The following PTPRG variants were observed in gnomAD, a reference collection of about 807,000 sequenced individuals.
PTPRG encodes the protein protein tyrosine phosphatase receptor type G, also known as receptor-type tyrosine-protein phosphatase gamma.
Under a neutral mutation model 165.3 loss-of-function variants are expected in PTPRG, and 102 were observed. That is an observed-to-expected ratio of 0.62 (90% CI 0.53 to 0.73). The LOEUF (loss-of-function observed/expected upper bound fraction) is 0.73, where lower values mean the gene tolerates loss of function less well. Ranked by LOEUF, PTPRG falls within the 30% of genes least tolerant of loss-of-function variation. The pLI is 0.00. For missense variants in PTPRG, 1,866 were observed against 1,861.4 expected, an observed-to-expected ratio of 1.00 and a Z score of -0.05; for synonymous variants, 675 against 669.5, an observed-to-expected ratio of 1.01 and a Z score of -0.13.
chr3:61,738,282 A>ATG (rs1559583160), intron 1 of PTPRG, among the ~76,000 whole-genome samples: 9 of 14,946 alleles, frequency 6.0e-4, no homozygotes, highest in South Asian at 2.2e-3. Flanking sequence ...ATATATACAT[A>ATG]TATATATATA....
chr3:62,038,940 A>G (rs1181049464), intron 4 of PTPRG, among the ~76,000 whole-genome samples: 1 of 151,650 alleles, frequency 6.6e-6, no homozygotes, highest in East Asian at 1.9e-4. Context: ...GATCGGAGAG[A>G]GATTTATTTT....
At chr3:62,040,348 G>A (rs980715763) in intron 4 of PTPRG, among the ~76,000 whole-genome samples, 43 of 152,208 alleles carry the variant, frequency 2.8e-4, no homozygotes, top group African/African-American at 1.0e-3. Flanking sequence ...GGGAAAATGT[G>A]CTGTGGGTAA....
intron 2 of PTPRG, among the ~76,000 whole-genome samples, chr3:61,818,671 C>A (rs594994): frequency 0.42 from 63,377 of 150,956 alleles, 15,123 homozygotes; most frequent in East Asian, 0.65. Context: ...TGTCTCCAAA[C>A]AGAAAAAAGG....
chr3:61,749,402 C>A, intron 2 of PTPRG: 1 of 283,972 alleles, frequency 3.5e-6, no homozygotes, highest in South Asian at 3.0e-5. Flanking sequence ...GGCTCTAAGC[C>A]AAGAAATGCA....
At chr3:61,682,002 T>C (rs542978333) in intron 1 of PTPRG, among the ~76,000 whole-genome samples, 29 of 151,904 alleles carry the variant, frequency 1.9e-4, no homozygotes, top group African/African-American at 6.3e-4. Flanking sequence ...ATACAAAAAT[T>C]AGCCAGGCGT....
intron 1 of PTPRG, among the ~76,000 whole-genome samples, chr3:61,718,220 A>C (rs2031898553): frequency 6.6e-6 from 1 of 151,630 alleles, no homozygotes; most frequent in South Asian, 2.1e-4. Flanking sequence ...AACCAAAAAA[A>C]AAAAAAAAAC....
chr3:62,078,911 T>C (rs543743241), intron 5 of PTPRG, among the ~76,000 whole-genome samples: 2 of 152,308 alleles, frequency 1.3e-5, no homozygotes, highest in Admixed American at 1.3e-4. Context: ...GTGAGTGCCT[T>C]GACCAACTTG....
chr3:62,004,161 A>T (rs772485877), intron 4 of PTPRG, among the ~76,000 whole-genome samples: 2 of 152,182 alleles, frequency 1.3e-5, no homozygotes, highest in Non-Finnish European at 2.9e-5. Context: ...GGGACAGCAC[A>T]TCTCTTCCAA....
At chr3:61,697,131 C>T (rs930258305) in intron 1 of PTPRG, among the ~76,000 whole-genome samples, 11 of 152,306 alleles carry the variant, frequency 7.2e-5, no homozygotes, top group African/African-American at 2.6e-4. Context: ...GAGGGCCACT[C>T]TCTGGCTTTC....
chr3:62,167,736 A>G (rs1705049938), intron 7 of PTPRG, among the ~76,000 whole-genome samples: 2 of 152,070 alleles, frequency 1.3e-5, no homozygotes, highest in South Asian at 4.2e-4. Flanking sequence ...CCTCAAATGA[A>G]GTGTTTTGCT....
At chr3:62,022,157 A>G (rs1196256319) in intron 4 of PTPRG, among the ~76,000 whole-genome samples, 1 of 152,134 alleles carries the variant, frequency 6.6e-6, no homozygotes, top group Non-Finnish European at 1.5e-5. Context: ...GGCGGGTACC[A>G]TTGCTGTCTC....
intron 5 of PTPRG, among the ~76,000 whole-genome samples, chr3:62,104,130 G>A (rs10510870): frequency 0.72 from 109,265 of 152,074 alleles, 39,567 homozygotes; most frequent in Middle Eastern, 0.79. Flanking sequence ...CTGCCAAAAC[G>A]CAAGATGCAC....
chr3:61,800,395 T>G (rs1458170008), intron 2 of PTPRG, among the ~76,000 whole-genome samples: 1 of 151,992 alleles, frequency 6.6e-6, no homozygotes, highest in Non-Finnish European at 1.5e-5. Context: ...GAGTTTTTAC[T>G]TGAAGTTTAG....
chr3:61,762,130 C>T (rs1313558844), intron 2 of PTPRG, among the ~76,000 whole-genome samples: 3 of 152,096 alleles, frequency 2.0e-5, no homozygotes, highest in Non-Finnish European at 4.4e-5. Flanking sequence ...ATTTTCTTCT[C>T]GCTGTTGATA....
intron 1 of PTPRG, among the ~76,000 whole-genome samples, chr3:61,567,965 C>CTAAAA (rs1559506439): frequency 8.0e-6 from 1 of 124,256 alleles, no homozygotes; most frequent in African/African-American, 3.2e-5. Flanking sequence ...GACCCTGCCT[C>CTAAAA]AAAAAAAAAA....
Position 61,818,844 on chromosome 3 carries a change from G to GA in PTPRG, c.190+69864dup, listed in dbSNP as rs377657492. ...CTTTAAAGTGAAATAGTGAAATAGT[G>GA]AATAGTGAAATAGTGAATAGTGAAA... On this transcript the variant is annotated intron_variant, in intron 2 of 29. Transcript: ENST00000474889. Among the ~76,000 whole-genome samples, 146 of 88,144 alleles carry GA rather than the reference G, an allele frequency of 1.7e-3. 2 individuals carry two copies. The highest frequency in any genetic ancestry group is 8.2e-3 in the African/African-American group (140 of 16,982). The allele number at this position is 88,144 out of a possible 152,430, so 57.8% of individuals were successfully genotyped here.
Position 62,003,456 on chromosome 3 carries a change from G to T in PTPRG, c.478G>T (p.Gly160Cys). The T allele has an allele frequency of 6.2e-7, 1 of 1,614,046 alleles. No homozygotes were observed. The highest frequency in any genetic ancestry group is 8.5e-7 in the Non-Finnish European group (1 of 1,179,940). Residue 160 changes from glycine (G) to cysteine (C), a missense_variant, in exon 4 of 30, where the codon GGC (glycine) becomes TGC (cysteine). Around this residue, in one of 3 missense-constraint regions of PTPRG, gnomAD observed 408 missense variants for 376.2 expected, o/e 1.08. Transcript: ENST00000474889. ...CTGGGGCCACAGCAATGGCTCAGCG[G>T]GCTCTGAACACAGCATCAATGGCAG... ...FHWGHSNGSA[G>C]SEHSINGRRF...
chr3:62,259,173 G>A (rs1701621489), intron 16 of PTPRG, among the ~76,000 whole-genome samples: 1 of 152,316 alleles, frequency 6.6e-6, no homozygotes, highest in South Asian at 2.1e-4. Context: ...GGGACCAGTG[G>A]CCACAATCAC....
chr3:61,635,723 C>T (rs1023471167), intron 1 of PTPRG, among the ~76,000 whole-genome samples: 1 of 152,108 alleles, frequency 6.6e-6, no homozygotes, highest in Non-Finnish European at 1.5e-5. Context: ...GATTGCTTCC[C>T]TAAGGCTTAG....
Sources: allele counts gnomAD v4.1 joint callset (sites outside exome capture counted in the v4.1 genomes callset), GRCh38; gene constraint gnomAD v4.1.1; regional missense constraint gnomAD v4.1.1; transcripts MANE v1.5; gene names NCBI Gene and HGNC (gene_info 2026-07-23, HGNC 2026-07-21).